Variants in LRRC18 observed in about 807,000 individuals in gnomAD.
The protein encoded by LRRC18 is leucine-rich repeat-containing protein 18.
Under a neutral mutation model 11.2 loss-of-function variants are expected in LRRC18, and 12 were observed. The observed-to-expected ratio is 1.07, with a 90% CI of 0.69 to 1.74. The LOEUF is 1.74. Among genes scored for constraint, LRRC18 ranks in the 40% most tolerant of loss-of-function variants. The pLI is 0.00. For missense variants in LRRC18, 374 were observed against 330.5 expected (o/e 1.13, Z -1.02); for synonymous variants, 155 against 130.6 (o/e 1.19, Z -1.27).
chr10:48,935,731 G>T, the LRRC18 span, among the ~76,000 whole-genome samples: 1 of 152,122 alleles, frequency 6.6e-6, no homozygotes, highest in Non-Finnish European at 1.5e-5. Flanking sequence ...ATACAGCCCT[G>T]TAATCATATT....
chr10:48,914,502 T>G (rs973282483), upstream of LRRC18, among the ~76,000 whole-genome samples: 1 of 152,176 alleles, frequency 6.6e-6, no homozygotes, highest in Non-Finnish European at 1.5e-5. Context: ...CCCCGACTTA[T>G]AAATACTCTC....
At chr10:48,912,982 G>T (rs1191957520) in intron 1 of LRRC18, among the ~76,000 whole-genome samples, 1 of 152,198 alleles carries the variant, frequency 6.6e-6, no homozygotes, top group Non-Finnish European at 1.5e-5. Flanking sequence ...TTGAAGCCCA[G>T]ACCCAAAACA....
chr10:48,929,206 G>A, the LRRC18 span, among the ~76,000 whole-genome samples: 4 of 151,892 alleles, frequency 2.6e-5, no homozygotes, highest in African/African-American at 9.7e-5. Flanking sequence ...GAGAGGAGGG[G>A]ATGGACAACA....
At chr10:48,921,442 A>G in the LRRC18 span, among the ~76,000 whole-genome samples, 1 of 152,256 alleles carries the variant, frequency 6.6e-6, no homozygotes, top group African/African-American at 2.4e-5. Flanking sequence ...TGGCCTAATT[A>G]ACACACATTG....
At chr10:48,917,787 G>A (rs1838686272), upstream of LRRC18, among the ~76,000 whole-genome samples, 1 of 152,184 alleles carries the variant, frequency 6.6e-6, no homozygotes, top group Non-Finnish European at 1.5e-5. Context: ...TCCAAACTTT[G>A]GGGATAAAGG....
At chr10:48,938,823 T>C in the LRRC18 span, among the ~76,000 whole-genome samples, 1 of 152,216 alleles carries the variant, frequency 6.6e-6, no homozygotes, top group Admixed American at 6.5e-5. Flanking sequence ...GATTCAGAGA[T>C]AATCTTTCCA....
the LRRC18 span, among the ~76,000 whole-genome samples, chr10:48,923,902 C>A: frequency 6.6e-6 from 1 of 152,208 alleles, no homozygotes; most frequent in East Asian, 1.9e-4. Flanking sequence ...GTGCTTCCAG[C>A]AAATGGGACA....
intron 1 of LRRC18, among the ~76,000 whole-genome samples, chr10:48,912,721 A>G (rs1838121739): frequency 6.6e-6 from 1 of 152,250 alleles, no homozygotes; most frequent in Non-Finnish European, 1.5e-5. Flanking sequence ...CACTGAATGT[A>G]ATAGGATGGG....
At chr10:48,927,974 C>T in the LRRC18 span, among the ~76,000 whole-genome samples, 1 of 152,208 alleles carries the variant, frequency 6.6e-6, no homozygotes, top group African/African-American at 2.4e-5. Context: ...ACAAACCAAC[C>T]TCAAGAGAAG....
At chr10:48,913,608 C>G in exon 1 of LRRC18, 1 of 1,614,116 alleles carries the variant, frequency 6.2e-7, no homozygotes, top group Non-Finnish European at 8.5e-7. Context: ...TTCCGACTCA[C>G]CTGGCTTTGG....
the LRRC18 span, among the ~76,000 whole-genome samples, chr10:48,920,705 A>T: frequency 6.6e-6 from 1 of 152,210 alleles, no homozygotes; most frequent in East Asian, 1.9e-4. Context: ...GACAGAAAAG[A>T]ATGAAATAAA....
chr10:48,926,977 A>T, the LRRC18 span, among the ~76,000 whole-genome samples: 1 of 152,138 alleles, frequency 6.6e-6, no homozygotes, highest in Non-Finnish European at 1.5e-5. Flanking sequence ...CAGGATTTTC[A>T]TGTAGCATTG....
chr10:48,913,715 G>T, exon 1 of LRRC18: 1 of 1,612,622 alleles, frequency 6.2e-7, no homozygotes, highest in Non-Finnish European at 8.5e-7. Flanking sequence ...GCCCTACCTC[G>T]TGGAGCTCCT....
At chr10:48,911,784 A>C (rs1359357075) in intron 1 of LRRC18, among the ~76,000 whole-genome samples, 1 of 152,240 alleles carries the variant, frequency 6.6e-6, no homozygotes, top group African/African-American at 2.4e-5. Context: ...TGGTTCTGTT[A>C]CTTCTACAAT....
the LRRC18 span, among the ~76,000 whole-genome samples, chr10:48,937,040 C>T: frequency 6.6e-6 from 1 of 151,578 alleles, no homozygotes; most frequent in Non-Finnish European, 1.5e-5. Context: ...ATTACAGGCA[C>T]CCACCACCAC....
At chr10:48,939,531 A>T in the LRRC18 span, among the ~76,000 whole-genome samples, 1 of 152,252 alleles carries the variant, frequency 6.6e-6, no homozygotes, top group African/African-American at 2.4e-5. Flanking sequence ...TCAGGAGCAC[A>T]TTAGAAAGCC....
At chr10:48,937,947 C>T in the LRRC18 span, among the ~76,000 whole-genome samples, 65 of 152,276 alleles carry the variant, frequency 4.3e-4, no homozygotes, top group Admixed American at 3.7e-3. Context: ...CTGCCCCCAG[C>T]ATCTCCCCAG....
chr10:48,933,792 T>G, the LRRC18 span, among the ~76,000 whole-genome samples: 1 of 152,052 alleles, frequency 6.6e-6, no homozygotes, highest in Non-Finnish European at 1.5e-5. Context: ...ATTGCACACC[T>G]TGTGTTCTAG....
upstream of LRRC18, among the ~76,000 whole-genome samples, chr10:48,916,256 T>C (rs1027576354): frequency 2.0e-5 from 3 of 152,198 alleles, no homozygotes; most frequent in African/African-American, 7.2e-5. Context: ...TTGCACCAGA[T>C]GAGGACAGAA....
Sources: allele counts gnomAD v4.1 joint callset (sites outside exome capture counted in the v4.1 genomes callset), GRCh38; gene constraint gnomAD v4.1.1; transcripts MANE v1.5; gene names NCBI Gene and HGNC (gene_info 2026-07-23, HGNC 2026-07-21).